Variants in SLC25A48 observed in about 807,000 individuals in gnomAD.
The protein encoded by SLC25A48 is CTC-321K16.1.
A neutral mutation model predicts 32.2 loss-of-function variants in SLC25A48; 29 were observed. The ratio of observed to expected loss-of-function variants is 0.90; its 90% confidence interval spans 0.67 to 1.23. The LOEUF is 1.23. Among genes scored for constraint, SLC25A48 ranks in the 50% most tolerant of loss-of-function variants. The pLI, the probability that SLC25A48 is intolerant of heterozygous loss-of-function variation, is 0.00. For missense variants in SLC25A48, 399 were observed against 422.7 expected, an observed-to-expected ratio of 0.94 and a Z score of 0.49; for synonymous variants, 164 against 172.3, an observed-to-expected ratio of 0.95 and a Z score of 0.38.
chr5:135,673,295 A>G (rs1047629102), intron 3 of SLC25A48, among the ~76,000 whole-genome samples: 3 of 152,176 alleles, frequency 2.0e-5, no homozygotes, highest in African/African-American at 7.2e-5. Flanking sequence ...AACTTTCCAA[A>G]TATATGCCAA....
rs1751259726 is a variant in SLC25A48, at chr5:135,582,601, C to T, written c.-849+3004C>T. ...CCTGGGGGAAGTCCCTGCTCTGAAC[C>T]CTTTACTGGCTCCCGATCTCATGCA... On this transcript the variant is annotated intron_variant, in intron 1 of 10. Transcript: ENST00000646290. Among the ~76,000 whole-genome samples, 3 of 152,132 alleles carry T rather than the reference C, an allele frequency of 2.0e-5. No homozygotes were observed. The South Asian group carries it at 6.2e-4, about 32-fold the overall frequency.
At chr5:135,723,363 C>T (rs1165533008) in intron 3 of SLC25A48, among the ~76,000 whole-genome samples, 1 of 93,040 alleles carries the variant, frequency 1.1e-5, no homozygotes, top group African/African-American at 3.9e-5. Context: ...CTGTCTCTCA[C>T]TCTCTCTCTC....
At chr5:135,763,764 T>TACACACACAC (rs56030521) in intron 3 of SLC25A48, among the ~76,000 whole-genome samples, 396 of 125,722 alleles carry the variant, frequency 3.1e-3, no homozygotes, top group African/African-American at 6.1e-3. Context: ...AACACACACA[T>TACACACACAC]ACACACACAC....
chr5:135,590,674 C>T (rs573983349), intron 1 of SLC25A48, among the ~76,000 whole-genome samples: 1 of 152,246 alleles, frequency 6.6e-6, no homozygotes, highest in African/African-American at 2.4e-5. Context: ...GCTGCTGGCC[C>T]ACCCCCACCC....
chr5:135,803,833 C>CT (rs1757394269), intron 3 of SLC25A48, among the ~76,000 whole-genome samples: 1 of 151,540 alleles, frequency 6.6e-6, no homozygotes, highest in Non-Finnish European at 1.5e-5. Flanking sequence ...GAGTGCACAT[C>CT]TTGTGTATAC....
At chr5:135,607,493 C>T (rs1167220297) in intron 1 of SLC25A48, among the ~76,000 whole-genome samples, 1 of 152,138 alleles carries the variant, frequency 6.6e-6, no homozygotes, top group Non-Finnish European at 1.5e-5. Context: ...CGAGGAAGAC[C>T]GTCCTGATTC....
intron 2 of SLC25A48, among the ~76,000 whole-genome samples, chr5:135,845,168 C>T (rs1375008657): frequency 6.6e-6 from 1 of 152,260 alleles, no homozygotes; most frequent in Non-Finnish European, 1.5e-5. Flanking sequence ...TGGTCCTCTA[C>T]CAGCTTCCAG....
chr5:135,869,106 T>C (rs1004913321), intron 4 of SLC25A48, among the ~76,000 whole-genome samples: 4 of 152,222 alleles, frequency 2.6e-5, no homozygotes, highest in Non-Finnish European at 5.9e-5. Context: ...GTAAATTGTA[T>C]GTATGGGCAT....
intron 3 of SLC25A48, among the ~76,000 whole-genome samples, chr5:135,809,158 G>T (rs1424596018): frequency 1.3e-5 from 2 of 151,968 alleles, no homozygotes; most frequent in African/African-American, 4.8e-5. Context: ...AGATAGCCAG[G>T]CATGATGGCA....
At chr5:135,727,156 T>A (rs2126988009) in intron 3 of SLC25A48, among the ~76,000 whole-genome samples, 1 of 150,290 alleles carries the variant, frequency 6.7e-6, no homozygotes, top group African/African-American at 2.4e-5. Context: ...AATTTTTTTT[T>A]ACTGTTTTTT....
rs1752269437 is a variant in SLC25A48 at position 135,619,456 on chromosome 5, T to C, written c.-848-9781T>C. ...ACTGAACTTCTTTAGTAACATTATT[T>C]TGAATTCTTTAGCTGGGATTTCATA... On this transcript the variant is annotated intron_variant, in intron 1 of 10. Transcript: ENST00000646290. 2.0e-5 allele frequency among the ~76,000 whole-genome samples: 3 copies of C among 152,258 alleles called. No individual in the cohort carries two copies. The South Asian group carries it at 6.2e-4, about 32-fold the overall frequency.
intron 3 of SLC25A48, among the ~76,000 whole-genome samples, chr5:135,773,022 T>C (rs889658257): frequency 2.0e-5 from 3 of 151,372 alleles, no homozygotes; most frequent in African/African-American, 7.3e-5. Context: ...ACTCCCAATA[T>C]CGCAGGGGGT....
intron 4 of SLC25A48, among the ~76,000 whole-genome samples, chr5:135,861,365 T>TA (rs1760780456): frequency 6.6e-6 from 1 of 151,404 alleles, no homozygotes; most frequent in African/African-American, 2.4e-5. Flanking sequence ...TGTAGTATGG[T>TA]AAAAATTAAG....
intron 3 of SLC25A48, among the ~76,000 whole-genome samples, chr5:135,740,896 C>T (rs1026623525): frequency 6.6e-6 from 1 of 152,198 alleles, no homozygotes; most frequent in Admixed American, 6.5e-5. Flanking sequence ...GAGCCACTGC[C>T]CCCAGCCCAA....
At chr5:135,752,874 A>G (rs1433676966) in intron 3 of SLC25A48, among the ~76,000 whole-genome samples, 1 of 152,108 alleles carries the variant, frequency 6.6e-6, no homozygotes, top group Non-Finnish European at 1.5e-5. Context: ...CTGTGATATT[A>G]TGAGTAATCT....
chr5:135,793,360 T>C (rs139161889), intron 3 of SLC25A48, among the ~76,000 whole-genome samples: 343 of 151,968 alleles, frequency 2.3e-3, no homozygotes, highest in South Asian at 0.011. Context: ...ATCATGTGTG[T>C]ACACCCTGGG....
chr5:135,787,312 A>T (rs1350770207), intron 3 of SLC25A48, among the ~76,000 whole-genome samples: 1 of 152,062 alleles, frequency 6.6e-6, no homozygotes, highest in Non-Finnish European at 1.5e-5. Context: ...GATATTATTC[A>T]TAATATTTTA....
In SLC25A48 at chr5:135,774,374, C is replaced by A. The variant is rs536029562; in HGVS notation, c.-520-38149C>A. 7.9e-5 allele frequency among the ~76,000 whole-genome samples: 12 copies of A among 151,450 alleles called. No homozygotes were observed. In the East Asian group the frequency reaches 2.3e-3, roughly 30 times the overall value. ...GGTGGTGTACACTCCTTCAATGATA[C>A]TGTTCCTAATATCCAGGGTGGGAGA... On this transcript the variant is annotated intron_variant, in intron 3 of 10. Coordinates refer to the SLC25A48 transcript ENST00000646290.
intron 1 of SLC25A48, among the ~76,000 whole-genome samples, chr5:135,585,431 C>T (rs1751341653): frequency 1.3e-5 from 2 of 152,218 alleles, no homozygotes; most frequent in South Asian, 2.1e-4. Flanking sequence ...GTAGGAGAGG[C>T]ACCTGCTGTC....
Sources: allele counts gnomAD v4.1 joint callset (sites outside exome capture counted in the v4.1 genomes callset), GRCh38; gene constraint gnomAD v4.1.1; transcripts MANE v1.5; gene names NCBI Gene and HGNC (gene_info 2026-07-23, HGNC 2026-07-21).